Variants in TTC17 observed in about 807,000 individuals in gnomAD.
TTC17 encodes tetratricopeptide repeat domain 17, also known as tetratricopeptide repeat protein 17.
Under a neutral mutation model 143.8 loss-of-function variants are expected in TTC17, and 58 were observed. The ratio of observed to expected loss-of-function variants is 0.40; its 90% confidence interval spans 0.33 to 0.50. TTC17 has a LOEUF of 0.50. Among genes scored for constraint, TTC17 ranks in the 20% least tolerant of loss-of-function variants. The probability of loss-of-function intolerance (pLI) is 0.49; values close to 1 mark genes in which losing one functional copy is unlikely to be tolerated. For missense variants in TTC17, 1,273 were observed against 1,392.5 expected, an observed-to-expected ratio of 0.91 and a Z score of 1.37; for synonymous variants, 501 against 497.8, an observed-to-expected ratio of 1.01 and a Z score of -0.09.
chr11:43,430,320 C>T (rs376902893), intron 16 of TTC17, among the ~76,000 whole-genome samples: 22 of 151,896 alleles, frequency 1.4e-4, no homozygotes, highest in African/African-American at 3.1e-4. Context: ...CCCAGCTACT[C>T]GAGAGGCTGA....
intron 16 of TTC17, 56 bp from the exon 17 acceptor site, chr11:43,443,269 A>G (rs1290353328): frequency 5.1e-6 from 8 of 1,581,974 alleles, no homozygotes; most frequent in African/African-American, 4.1e-5. Flanking sequence ...GAGTCACCCA[A>G]GGTCTTGAAT....
intron 21 of TTC17, chr11:43,486,334 A>G: frequency 2.5e-6 from 1 of 408,128 alleles, no homozygotes; most frequent in Middle Eastern, 3.5e-4. Flanking sequence ...GATGTGAATC[A>G]TCGTGTAGAA....
intron 1 of TTC17, among the ~76,000 whole-genome samples, chr11:43,360,350 A>G (rs1363404633): frequency 6.6e-6 from 1 of 152,200 alleles, no homozygotes. Context: ...TCATTGCCAT[A>G]CTATCTGAGA....
intron 15 of TTC17, among the ~76,000 whole-genome samples, chr11:43,410,790 A>C (rs1858374783): frequency 6.6e-6 from 1 of 152,174 alleles, no homozygotes; most frequent in South Asian, 2.1e-4. Context: ...GGAAATAATA[A>C]AGCTATCTTT....
chr11:43,387,370 A>G (rs910294235), intron 2 of TTC17, among the ~76,000 whole-genome samples: 1 of 152,196 alleles, frequency 6.6e-6, no homozygotes, highest in South Asian at 2.1e-4. Flanking sequence ...GAGAAGTGAC[A>G]TACACCATCT....
chr11:43,391,809 T>C lies in TTC17; in HGVS notation c.532-12T>C. ...CTTTGATATGTCTTTTGAATCTTTTTCTTCTCTTCAGGGTGTACAGGAGAG... is the reference window on the plus strand; with the variant it reads ...CTTTGATATGTCTTTTGAATCTTTTCCTTCTCTTCAGGGTGTACAGGAGAG... On this transcript the variant is annotated splice_polypyrimidine_tract_variant and intron_variant, in intron 4 of 23. Transcript: ENST00000039989. 1.9e-6 allele frequency: 3 copies of C among 1,608,736 alleles called. No individual in the cohort carries two copies. The highest frequency in any genetic ancestry group is 2.5e-6 in the Non-Finnish European group (3 of 1,178,826).
At chr11:43,364,637 C>T (rs1856257462) in intron 1 of TTC17, among the ~76,000 whole-genome samples, 1 of 152,106 alleles carries the variant, frequency 6.6e-6, no homozygotes, top group Non-Finnish European at 1.5e-5. Flanking sequence ...CAAAATGATT[C>T]TCATTCAGTC....
intron 21 of TTC17, among the ~76,000 whole-genome samples, chr11:43,467,960 CAG>C (rs146345235): frequency 0.059 from 8,880 of 151,314 alleles, 281 homozygotes; most frequent in African/African-American, 0.094. Flanking sequence ...GGTAATGGCT[CAG>C]AATTTATTTC....
chr11:43,417,411 T>C (rs1232423730), intron 16 of TTC17, among the ~76,000 whole-genome samples: 2 of 152,246 alleles, frequency 1.3e-5, no homozygotes, highest in African/African-American at 4.8e-5. Flanking sequence ...TTATAAGTTA[T>C]CTTGTCTGAC....
rs373980064 is a variant in TTC17 at position 43,400,989 on chromosome 11, TAAC to T, written c.1220-454_1220-452del. Among the ~76,000 whole-genome samples, 70 of 152,366 alleles carry T rather than the reference TAAC, an allele frequency of 4.6e-4. No individual in the cohort carries two copies. In the East Asian group the frequency reaches 8.5e-3, roughly 18 times the overall value. ...TTTATAGTTTATTTTACAATTCCCT[TAAC>T]AAGTTTTCTTTGCTATTATGAGTGT... On this transcript the variant is annotated intron_variant, in intron 9 of 23. Coordinates refer to ENST00000039989, the MANE Select transcript of TTC17 (RefSeq NM_018259.6).
rs1855982596 is a variant in TTC17, at chr11:43,359,120, GC to G, written c.159+9del. 6.3e-7 allele frequency: 1 copy of G among 1,578,162 alleles called. No homozygotes were observed. Among genetic ancestry groups the G allele is most frequent in the African/African-American group, 1.4e-5 (1 of 72,486 alleles). On this transcript the variant is annotated splice_region_variant and intron_variant, in intron 1 of 23. Coordinates refer to ENST00000039989, the MANE Select transcript of TTC17 (RefSeq NM_018259.6). Reference sequence around the variant, plus strand: ...CGGGAAAATCCAGCAGCAGGTAGCGGCCGGGGCGTCCCTCTTCTCCCGTGCC... The same window carrying G: ...CGGGAAAATCCAGCAGCAGGTAGCGGCGGGGCGTCCCTCTTCTCCCGTGCC...
chr11:43,387,255 A>G (rs1735783683), intron 2 of TTC17, among the ~76,000 whole-genome samples: 1 of 152,204 alleles, frequency 6.6e-6, no homozygotes, highest in African/African-American at 2.4e-5. Flanking sequence ...CAGCTTTTGC[A>G]TTGGCAACAA....
chr11:43,463,147 C>G (rs973950949), intron 21 of TTC17, among the ~76,000 whole-genome samples: 1 of 152,000 alleles, frequency 6.6e-6, no homozygotes, highest in African/African-American at 2.4e-5. Context: ...AACTCCTGAC[C>G]TCATGATCCA....
At chr11:43,443,730 A>G in intron 17 of TTC17, 146 bp downstream of exon 17, 1 of 1,131,992 alleles carries the variant, frequency 8.8e-7, no homozygotes. Context: ...TTTTATTGGG[A>G]GGAAGCATTT....
At chr11:43,368,913 G>A (rs1856455108) in intron 1 of TTC17, among the ~76,000 whole-genome samples, 1 of 152,112 alleles carries the variant, frequency 6.6e-6, no homozygotes, top group African/African-American at 2.4e-5. Context: ...ACCAGCCCTC[G>A]GGATGTTCTT....
intron 17 of TTC17, 43 bp from the exon 18 acceptor site, chr11:43,444,013 G>T (rs1248956778): frequency 1.3e-6 from 2 of 1,553,128 alleles, no homozygotes; most frequent in South Asian, 2.6e-5. Context: ...TGACAGATTT[G>T]ATCACTGGTC....
chr11:43,426,113 C>A (rs997946239), intron 16 of TTC17, among the ~76,000 whole-genome samples: 1 of 152,226 alleles, frequency 6.6e-6, no homozygotes, highest in Non-Finnish European at 1.5e-5. Flanking sequence ...CTGATTCCTG[C>A]TGCACCTCTG....
intron 18 of TTC17, 46 bp downstream of exon 18, chr11:43,444,255 C>T: frequency 6.5e-7 from 1 of 1,548,720 alleles, no homozygotes. Context: ...TTAGATGTCA[C>T]TATCTCATTT....
chr11:43,415,764 T>A (rs1359059382), intron 16 of TTC17, among the ~76,000 whole-genome samples: 1 of 152,180 alleles, frequency 6.6e-6, no homozygotes, highest in African/African-American at 2.4e-5. Flanking sequence ...AGTGCTTGCC[T>A]TTTAAATATC....
Sources: gnomAD v4.1 joint callset for allele counts (sites outside exome capture counted in the v4.1 genomes callset) on GRCh38, gnomAD v4.1.1 for gene constraint, MANE v1.5 for transcripts, NCBI Gene and HGNC (gene_info 2026-07-23, HGNC 2026-07-21) for gene names.